Variants in BBS5 observed in about 807,000 individuals in gnomAD.
BBS5 encodes the protein BBSome complex member BBS5.
In BBS5, 39 loss-of-function variants were observed where a neutral mutation model predicts 50.2. That is an observed-to-expected ratio of 0.78 (90% CI 0.60 to 1.01). The LOEUF (loss-of-function observed/expected upper bound fraction) is 1.01, where lower values mean the gene tolerates loss of function less well. Ranked by LOEUF, BBS5 falls within the 50% of genes least tolerant of loss-of-function variation. The probability of loss-of-function intolerance (pLI) is 0.00; values close to 1 mark genes in which losing one functional copy is unlikely to be tolerated. For missense variants in BBS5, 356 were observed against 401.5 expected (o/e 0.89, Z 0.97); for synonymous variants, 134 against 133.1 (o/e 1.01, Z -0.05).
At chr2:169,501,522 T>G (rs1683801348) in intron 9 of BBS5, among the ~76,000 whole-genome samples, 1 of 151,942 alleles carries the variant, frequency 6.6e-6, no homozygotes, top group Admixed American at 6.6e-5. Flanking sequence ...AGGCCAGGAG[T>G]TTGAGACCAG....
chr2:169,484,878 A>G (rs1328686336), intron 2 of BBS5, among the ~76,000 whole-genome samples: 2 of 152,244 alleles, frequency 1.3e-5, no homozygotes, highest in Non-Finnish European at 2.9e-5. Context: ...GATTAGTAGA[A>G]ACAGGGACAA....
chr2:169,504,763 C>T lies in BBS5; in HGVS notation c.*181C>T, dbSNP rs1298760316. 19 of 1,372,028 alleles carry T rather than the reference C, an allele frequency of 1.4e-5. No individual in the cohort carries two copies. Among genetic ancestry groups the T allele is most frequent in the South Asian group, 1.3e-4 (10 of 76,762 alleles). The allele number at this position is 1,372,028 out of a possible 1,614,324, so 85.0% of individuals were successfully genotyped here. The stretch of plus-strand genomic sequence containing the variant: ...AAACTTCAGTTTTCGGCCAGCGCGT[C>T]GAGGGAGGGGCCAGCGACACATGGC... On this transcript the variant is annotated 3_prime_UTR_variant, in exon 12 of 12. Transcript: ENST00000295240.
intron 1 of BBS5, among the ~76,000 whole-genome samples, chr2:169,481,674 CTT>C (rs1683398785): frequency 6.6e-6 from 1 of 151,224 alleles, no homozygotes; most frequent in Admixed American, 6.6e-5. Flanking sequence ...GCAAGCTGCT[CTT>C]ATTTCCTTTT....
chr2:169,488,132 GGATTATTGAATATTTTTT>G lies in BBS5; in HGVS notation c.386+20_386+37del, dbSNP rs1257973176. 6.2e-7 allele frequency: 1 copy of G among 1,611,262 alleles called. No individual in the cohort carries two copies. The highest frequency in any genetic ancestry group is 8.5e-7 in the Non-Finnish European group (1 of 1,178,466). On this transcript the variant is annotated intron_variant, in intron 5 of 11. Transcript: ENST00000295240. Reference sequence around the variant, plus strand: ...GTACACAGGTATAGTAATACTTTATGGATTATTGAATATTTTTTGTTTACTCTATGGTTTTAGACTGCA... The same window carrying G: ...GTACACAGGTATAGTAATACTTTATGGTTTACTCTATGGTTTTAGACTGCA...
At position 169,505,245 on chromosome 2, in the gene BBS5, G is replaced by A. The variant is rs980716623; in HGVS notation, c.*663G>A. The A allele has an allele frequency of 6.6e-6, 3 of 452,034 alleles. No homozygotes were observed. The highest frequency in any genetic ancestry group is 1.2e-5 in the Non-Finnish European group (3 of 241,942). 28.0% of individuals were successfully genotyped at this position (452,034 alleles called of 1,614,324 possible). ...GTGCCGGGATTGCAGACGGAGTCTGGTTCACTTAGTGCTCAATGGTGCCCA... is the reference window on the plus strand; with the variant it reads ...GTGCCGGGATTGCAGACGGAGTCTGATTCACTTAGTGCTCAATGGTGCCCA... On this transcript the variant is annotated 3_prime_UTR_variant, in exon 12 of 12. Coordinates refer to ENST00000295240, the MANE Select transcript of BBS5 (RefSeq NM_152384.3).
chr2:169,486,289 A>C (rs1334840179), intron 2 of BBS5, among the ~76,000 whole-genome samples: 1 of 152,244 alleles, frequency 6.6e-6, no homozygotes. Flanking sequence ...TGGTGAAATA[A>C]TGTGTTTAAA....
chr2:169,504,955 C>G lies in BBS5; in HGVS notation c.*373C>G. On this transcript the variant is annotated 3_prime_UTR_variant, in exon 12 of 12. Transcript: ENST00000295240. ...TGGAGGTCCAAAGAGGACTGGTGAT[C>G]TACGTGTGCTTTTTCAAGGGAGCTG... 6.2e-7 allele frequency: 1 copy of G among 1,613,626 alleles called. No homozygotes were observed. The highest frequency in any genetic ancestry group is 8.5e-7 in the Non-Finnish European group (1 of 1,179,924).
At chr2:169,499,729 G>GT in intron 9 of BBS5, 109 bp downstream of exon 9, 1 of 1,163,090 alleles carries the variant, frequency 8.6e-7, no homozygotes, top group Admixed American at 1.7e-5. Context: ...TTTTAAAATG[G>GT]TGAATATACA....
intron 2 of BBS5, among the ~76,000 whole-genome samples, chr2:169,485,063 A>G: frequency 6.6e-6 from 1 of 152,178 alleles, no homozygotes; most frequent in Middle Eastern, 3.2e-3. Flanking sequence ...GTGGTTTTAT[A>G]TGGCAAACCC....
In BBS5 at chr2:169,493,815, C is replaced by T. The variant is rs988114527; in HGVS notation, c.597C>T (p.Val199=). 1.2e-6 allele frequency: 2 copies of T among 1,604,554 alleles called. No homozygotes were observed. The highest frequency in any genetic ancestry group is 2.7e-5 in the African/African-American group (2 of 74,764). Residue 199 remains valine, a synonymous_variant, in exon 7 of 12, where the codon GTC becomes GTT. Coordinates refer to ENST00000295240, the MANE Select transcript of BBS5 (RefSeq NM_152384.3). ...CAAATATGAATGATAGTTTTAATGT[C>T]AGTATACCATATCTGCAAATTGTAA... The part of the protein sequence containing the change: ...WHANMNDSFN[V]SIPYLQIRSI...
intron 8 of BBS5, among the ~76,000 whole-genome samples, chr2:169,497,993 G>A (rs534395142): frequency 6.6e-6 from 1 of 152,254 alleles, no homozygotes; most frequent in African/African-American, 2.4e-5. Context: ...CTACGATACA[G>A]CTACTATTTT....
intron 9 of BBS5, among the ~76,000 whole-genome samples, chr2:169,502,569 G>A (rs1683829922): frequency 1.3e-5 from 2 of 152,134 alleles, no homozygotes; most frequent in South Asian, 2.1e-4. Context: ...TGTGAGTAAG[G>A]GTAGGATTTT....
In BBS5 at chr2:169,481,774, T is replaced by C. The variant is rs538586611; in HGVS notation, c.60-477T>C. On this transcript the variant is annotated intron_variant, in intron 1 of 11. Coordinates refer to ENST00000295240, the MANE Select transcript of BBS5 (RefSeq NM_152384.3). ...CCTTCTATAATTTCCTGATGTCCTT[T>C]CCTCTACTCAGAAACCTTTGGAGGT... Among the ~76,000 whole-genome samples the C allele has an allele frequency of 7.9e-5, 12 of 152,314 alleles. 1 individual carries two copies. The highest frequency in any genetic ancestry group is 2.9e-4 in the African/African-American group (12 of 41,588).
At chr2:169,489,699 G>T (rs1046378013) in intron 5 of BBS5, among the ~76,000 whole-genome samples, 2 of 150,570 alleles carry the variant, frequency 1.3e-5, no homozygotes, top group African/African-American at 4.9e-5. Context: ...AGCCCTAAGT[G>T]CTATGATTTT....
At chr2:169,493,177 C>A in intron 6 of BBS5, 168 bp downstream of exon 6, 2 of 758,358 alleles carry the variant, frequency 2.6e-6, no homozygotes, top group East Asian at 2.7e-5. Context: ...TCCCTATTTT[C>A]TTTCAATACA....
intron 8 of BBS5, 23 bp from the exon 9 acceptor site, chr2:169,499,463 T>C (rs746554870): frequency 6.2e-7 from 1 of 1,608,386 alleles, no homozygotes. Context: ...TTGGGTTTTT[T>C]TTTATTATTT....
Position 169,504,928 on chromosome 2 carries a change from G to C in BBS5, c.*346G>C. On this transcript the variant is annotated 3_prime_UTR_variant, in exon 12 of 12. Transcript: ENST00000295240. ...CCAATGGGGACGTTGCGGCCCAGTG[G>C]GTGGAGGTCCAAAGAGGACTGGTGA... is the stretch of plus-strand genomic sequence containing the variant. 1 of 1,613,754 alleles carries C rather than the reference G, an allele frequency of 6.2e-7. No individual in the cohort carries two copies. The highest frequency in any genetic ancestry group is 8.5e-7 in the Non-Finnish European group (1 of 1,179,938).
Position 169,494,956 on chromosome 2 carries a change from T to A in BBS5, c.618+1120T>A, listed in dbSNP as rs375928628. ...AGAAGAATAATTCTTTGCAAAATATTCCCAACCCTATTTTTGGCTAAATTG... is the reference window on the plus strand; with the variant it reads ...AGAAGAATAATTCTTTGCAAAATATACCCAACCCTATTTTTGGCTAAATTG... On this transcript the variant is annotated intron_variant, in intron 7 of 11. Transcript: ENST00000295240. Among the ~76,000 whole-genome samples, 23 of 152,192 alleles carry A rather than the reference T, an allele frequency of 1.5e-4. No homozygotes were observed. In the East Asian group the frequency reaches 2.5e-3, roughly 17 times the overall value.
At chr2:169,498,786 G>C (rs1298553096) in intron 8 of BBS5, among the ~76,000 whole-genome samples, 1 of 141,972 alleles carries the variant, frequency 7.0e-6, no homozygotes, top group East Asian at 2.1e-4. Context: ...CAGCCTGGCC[G>C]ACAGAGCGAG....
Sources: allele counts gnomAD v4.1 joint callset (sites outside exome capture counted in the v4.1 genomes callset), GRCh38; gene constraint gnomAD v4.1.1; transcripts MANE v1.5; gene names NCBI Gene and HGNC (gene_info 2026-07-23, HGNC 2026-07-21).